The following PRKAG2 variants were observed in gnomAD, a reference collection of about 807,000 sequenced individuals.
The protein encoded by PRKAG2 is 5'-AMP-activated protein kinase subunit gamma-2.
A neutral mutation model predicts 69.6 loss-of-function variants in PRKAG2; 26 were observed. The observed-to-expected ratio is 0.37, with a 90% CI of 0.27 to 0.52. The LOEUF is 0.52. PRKAG2 is among the 20% of genes least tolerant of loss of function. The pLI is 0.90. For missense variants in PRKAG2, 557 were observed against 740.0 expected (o/e 0.75, Z 2.87); for synonymous variants, 293 against 285.0 (o/e 1.03, Z -0.28).
intron 3 of PRKAG2, among the ~76,000 whole-genome samples, chr7:151,775,252 G>GC (rs1181240754): frequency 7.9e-5 from 12 of 152,160 alleles, no homozygotes; most frequent in African/African-American, 2.7e-4. Context: ...TGTTTCTCCT[G>GC]CGTGATCCTA....
chr7:151,750,206 C>A (rs745316716), intron 3 of PRKAG2, among the ~76,000 whole-genome samples: 1 of 151,992 alleles, frequency 6.6e-6, no homozygotes, highest in Non-Finnish European at 1.5e-5. Context: ...GGAAAACATT[C>A]CTCAACAAGT....
chr7:151,871,393 C>T (rs1304005387), intron 1 of PRKAG2, among the ~76,000 whole-genome samples: 1 of 152,244 alleles, frequency 6.6e-6, no homozygotes, highest in African/African-American at 2.4e-5. Context: ...CTGACCTCTA[C>T]GGCCCTTTGC....
chr7:151,657,101 C>T (rs944706974), intron 4 of PRKAG2, among the ~76,000 whole-genome samples: 3 of 151,172 alleles, frequency 2.0e-5, no homozygotes, highest in Non-Finnish European at 4.4e-5. Flanking sequence ...TGTGCCACTG[C>T]ACTCCAGCCT....
intron 4 of PRKAG2, among the ~76,000 whole-genome samples, chr7:151,672,524 C>T (rs1280570997): frequency 6.6e-6 from 1 of 152,124 alleles, no homozygotes; most frequent in East Asian, 1.9e-4. Flanking sequence ...CTCCGTCAAA[C>T]ACTAACTCAT....
chr7:151,577,231 T>C (rs934851799), intron 6 of PRKAG2, among the ~76,000 whole-genome samples: 3 of 152,200 alleles, frequency 2.0e-5, no homozygotes, highest in African/African-American at 7.2e-5. Context: ...AAAGATACAA[T>C]ATATTTTTGC....
chr7:151,801,287 G>A (rs1316010811), intron 1 of PRKAG2, among the ~76,000 whole-genome samples: 1 of 152,196 alleles, frequency 6.6e-6, no homozygotes, highest in East Asian at 1.9e-4. Context: ...GAGGCTCAGC[G>A]CTCAGACCAA....
chr7:151,629,665 T>C (rs758366756), intron 5 of PRKAG2, among the ~76,000 whole-genome samples: 2 of 152,240 alleles, frequency 1.3e-5, no homozygotes, highest in Non-Finnish European at 2.9e-5. Context: ...ATAGTATCAG[T>C]TATAACTTAT....
chr7:151,673,877 C>T (rs1245690544), intron 4 of PRKAG2, among the ~76,000 whole-genome samples: 1 of 129,996 alleles, frequency 7.7e-6, no homozygotes. Context: ...GTGTCTCGCT[C>T]TGTCACCCAG....
Position 151,716,560 on chromosome 7 carries a change from C to T in PRKAG2, c.467-40923G>A, listed in dbSNP as rs183707153. 4.6e-3 allele frequency among the ~76,000 whole-genome samples: 706 copies of T among 152,090 alleles called. 18 individuals carry two copies. The highest frequency in any genetic ancestry group is 0.043 in the Admixed American group (656 of 15,298). On this transcript the variant is annotated intron_variant, in intron 3 of 15. Transcript: ENST00000287878. The stretch of plus-strand genomic sequence containing the variant: ...CCCATGCTTGACACGCACAGAACCC[C>T]GCCCAGCCTTGCACTTAACAGGTGC...
In PRKAG2 at chr7:151,781,101, A is replaced by G. The variant is rs139668510; in HGVS notation, c.466+51T>C. 70,965 of 1,609,010 alleles carry G rather than the reference A, an allele frequency of 0.044. 1,725 individuals are homozygous for G. Among genetic ancestry groups the G allele is most frequent in the Non-Finnish European group, 0.052 (60,894 of 1,177,228 alleles). On this transcript the variant is annotated intron_variant, in intron 3 of 15. Transcript: ENST00000287878. This position sits in a 1 kb window ranked among gnomAD's most constrained non-coding sequence, Gnocchi z 6.1. ...CACCGTGGATGTGTGGCTGCAGAAG[A>G]GACCCCCAGCACCCCAGCACCCACC... is the stretch of plus-strand genomic sequence containing the variant.
intron 1 of PRKAG2, among the ~76,000 whole-genome samples, chr7:151,851,347 A>AAT (rs1317121456): frequency 5.5e-5 from 8 of 145,274 alleles, no homozygotes; most frequent in African/African-American, 2.2e-4. Flanking sequence ...CTGGCAAAAA[A>AAT]AAAAAAGAAA....
intron 1 of PRKAG2, among the ~76,000 whole-genome samples, chr7:151,791,407 C>T (rs1457257178): frequency 1.3e-5 from 2 of 152,238 alleles, no homozygotes; most frequent in East Asian, 3.8e-4. Context: ...GCCTTCCCCA[C>T]CACTGGTCTC....
At chr7:151,787,038 T>C (rs1299409226) in intron 1 of PRKAG2, among the ~76,000 whole-genome samples, 1 of 152,118 alleles carries the variant, frequency 6.6e-6, no homozygotes, top group Non-Finnish European at 1.5e-5. Flanking sequence ...GAGTCTAAAA[T>C]AGATTTGGGG....
rs142673816 is a variant in PRKAG2 at position 151,836,397 on chromosome 7, G to C, written c.114+40110C>G. Among the ~76,000 whole-genome samples, 2,142 of 152,306 alleles carry C rather than the reference G, an allele frequency of 0.014. 37 individuals carry two copies. Among genetic ancestry groups the C allele is most frequent in the Non-Finnish European group, 0.017 (1,174 of 68,008 alleles). On this transcript the variant is annotated intron_variant, in intron 1 of 15. Coordinates refer to ENST00000287878, the MANE Select transcript of PRKAG2 (RefSeq NM_016203.4). The surrounding 1 kb of genome is among the most constrained non-coding windows in gnomAD (Gnocchi z 4.1). ...TGGCTGCCCCAGGCCAGCTGGTCCA[G>C]GCAGCTTCCCTGATCACCGCAGTGA... is the stretch of plus-strand genomic sequence containing the variant.
intron 2 of PRKAG2, among the ~76,000 whole-genome samples, chr7:151,784,844 G>C (rs11761317): frequency 6.6e-6 from 1 of 152,116 alleles, no homozygotes; most frequent in East Asian, 1.9e-4. Context: ...CCTGTCTCTG[G>C]AAAATGGCCG....
At chr7:151,653,122 C>G (rs1048368273) in intron 4 of PRKAG2, among the ~76,000 whole-genome samples, 22 of 148,712 alleles carry the variant, frequency 1.5e-4, no homozygotes, top group Non-Finnish European at 3.2e-4. Flanking sequence ...CTTTAATCAT[C>G]ATAGCAGAGC....
chr7:151,782,072 A>C (rs1233377852), intron 2 of PRKAG2, among the ~76,000 whole-genome samples: 1 of 151,782 alleles, frequency 6.6e-6, no homozygotes, highest in Non-Finnish European at 1.5e-5. Context: ...AGGAGTTTGA[A>C]ACCAGCCTGG....
At position 151,632,320 on chromosome 7, in the gene PRKAG2, AGGCCGCCGCCGCCGCCGCAGGTGGCGC is replaced by A. The variant is rs1824800060; in HGVS notation, c.685-209_685-183del. 2.5e-6 allele frequency: 2 copies of A among 811,182 alleles called. No individual in the cohort carries two copies. Among genetic ancestry groups the A allele is most frequent in the Admixed American group, 6.5e-5 (1 of 15,414 alleles). 50.2% of individuals were successfully genotyped at this position (811,182 alleles called of 1,614,324 possible). On this transcript the variant is annotated intron_variant, in intron 4 of 15. Transcript: ENST00000287878. The surrounding 1 kb of genome is among the most constrained non-coding windows in gnomAD (Gnocchi z 4.2). The stretch of plus-strand genomic sequence containing the variant: ...CGGGAGCGCTGCCCCCACCCGCCCG[AGGCCGCCGCCGCCGCCGCAGGTGGCGC>A]GGCCGCGGCCCGCGTGCCCCTCCGC...
rs181150093 is a variant in PRKAG2 at position 151,642,806 on chromosome 7, C to T, written c.685-10668G>A. Among the ~76,000 whole-genome samples the T allele has an allele frequency of 4.6e-5, 7 of 152,316 alleles. No homozygotes were observed. The East Asian group carries it at 1.3e-3, about 29-fold the overall frequency. On this transcript the variant is annotated intron_variant, in intron 4 of 15. Coordinates refer to ENST00000287878, the MANE Select transcript of PRKAG2 (RefSeq NM_016203.4). ...AAGAAAATTGATTAACCCAAAAAGTCCTTTGGATTCTCTATGTTAAATTAT... is the reference window on the plus strand; with the variant it reads ...AAGAAAATTGATTAACCCAAAAAGTTCTTTGGATTCTCTATGTTAAATTAT...
Sources: allele counts gnomAD v4.1 joint callset (sites outside exome capture counted in the v4.1 genomes callset), GRCh38; gene constraint gnomAD v4.1.1; non-coding constraint Gnocchi (gnomAD v3.1); transcripts MANE v1.5; gene names NCBI Gene and HGNC (gene_info 2026-07-23, HGNC 2026-07-21).